The following SLIT2 variants were observed in gnomAD, a reference collection of about 807,000 sequenced individuals.
SLIT2 encodes slit guidance ligand 2.
In SLIT2, 41 loss-of-function variants were observed where a neutral mutation model predicts 185.7. The observed-to-expected ratio is 0.22, with a 90% CI of 0.17 to 0.29. The LOEUF (loss-of-function observed/expected upper bound fraction) is 0.29. Ranked by LOEUF, SLIT2 falls within the 10% of genes least tolerant of loss-of-function variation. The probability of loss-of-function intolerance (pLI) is 1.00; values close to 1 mark genes in which losing one functional copy is unlikely to be tolerated. For synonymous variants in SLIT2, 693 were observed against 680.2 expected (o/e 1.02, Z -0.29); for missense variants, 1,571 against 1,909.0 (o/e 0.82, Z 3.30).
At chr4:20,613,262 T>C (rs1412604437) in intron 34 of SLIT2, among the ~76,000 whole-genome samples, 1 of 152,146 alleles carries the variant, frequency 6.6e-6, no homozygotes, top group Non-Finnish European at 1.5e-5. Context: ...TAAATGCCCA[T>C]CAATTCTAGA....
At position 20,362,937 on chromosome 4, in the gene SLIT2, T is replaced by TTA. The variant is rs1553887030; in HGVS notation, c.395+94056_395+94057insTA. Among the ~76,000 whole-genome samples the TTA allele has an allele frequency of 7.7e-4, 117 of 151,572 alleles. 1 individual carries two copies. In the Middle Eastern group the frequency reaches 0.014, roughly 18 times the overall value. On this transcript the variant is annotated intron_variant, in intron 4 of 36. Transcript: ENST00000504154. ...CCAAGAGGAATGAAATTTTTTTTTT[T>TTA]AAAAAAGGGATTTTAATGTTTAAAA... is the stretch of plus-strand genomic sequence containing the variant.
intron 4 of SLIT2, among the ~76,000 whole-genome samples, chr4:20,434,704 G>T (rs1157595991): frequency 6.6e-6 from 1 of 152,210 alleles, no homozygotes; most frequent in African/African-American, 2.4e-5. Flanking sequence ...AACGTAGGTA[G>T]ATGTTTTAAT....
At chr4:20,291,657 T>C (rs1036638934) in intron 4 of SLIT2, among the ~76,000 whole-genome samples, 2 of 151,552 alleles carry the variant, frequency 1.3e-5, no homozygotes, top group Non-Finnish European at 2.9e-5. Flanking sequence ...CGTATATTGG[T>C]ACAATAATAC....
Position 20,421,392 on chromosome 4 carries a change from G to A in SLIT2, c.396-46360G>A, listed in dbSNP as rs556510234. Among the ~76,000 whole-genome samples, 12 of 152,260 alleles carry A rather than the reference G, an allele frequency of 7.9e-5. No individual in the cohort carries two copies. The South Asian group carries it at 2.5e-3, about 32-fold the overall frequency. Reference sequence around the variant, plus strand: ...TTTCATTTCTTGCCTGCAGTGGAGAGAGCTGATTCACGATGAGTTCCTCTG... The same window carrying A: ...TTTCATTTCTTGCCTGCAGTGGAGAAAGCTGATTCACGATGAGTTCCTCTG... On this transcript the variant is annotated intron_variant, in intron 4 of 36. Coordinates refer to ENST00000504154, the MANE Select transcript of SLIT2 (RefSeq NM_004787.4).
At chr4:20,553,740 T>A in intron 25 of SLIT2, 65 bp from the exon 26 acceptor site, 1 of 1,255,826 alleles carries the variant, frequency 8.0e-7, no homozygotes, top group Non-Finnish European at 1.0e-6. Context: ...CATACTTGTG[T>A]GTGTGTGTGT....
chr4:20,389,800 A>G (rs1455188363), intron 4 of SLIT2, among the ~76,000 whole-genome samples: 2 of 152,136 alleles, frequency 1.3e-5, no homozygotes, highest in African/African-American at 2.4e-5. Flanking sequence ...CCCAGGTACC[A>G]GTGGCAGCAA....
Position 20,617,543 on chromosome 4 carries a change from AC to A in SLIT2, c.4244del (p.Pro1415HisfsTer44). ...VLCDEEEDLFNPCQAIKCKHG... is the reference protein window; with the variant it reads ...VLCDEEEDLFXPCQAIKCKHG... Reference sequence around the variant, plus strand: ...TGTGATGAAGAGGAGGATCTGTTTAACCCATGCCAGGCGATCAAGTGCAAGC... The same window carrying A: ...TGTGATGAAGAGGAGGATCTGTTTAACCATGCCAGGCGATCAAGTGCAAGC... On this transcript the variant is annotated frameshift_variant, in exon 36 of 37. Transcript: ENST00000504154. LOFTEE classifies it high-confidence loss of function. 1 of 1,613,828 alleles carries A rather than the reference AC, an allele frequency of 6.2e-7. No homozygotes were observed. Among genetic ancestry groups the A allele is most frequent in the Non-Finnish European group, 8.5e-7 (1 of 1,179,934 alleles).
At chr4:20,284,557 T>G (rs1040001871) in intron 4 of SLIT2, among the ~76,000 whole-genome samples, 1 of 152,228 alleles carries the variant, frequency 6.6e-6, no homozygotes, top group African/African-American at 2.4e-5. Context: ...AAGCATCATC[T>G]TTTTAATATC....
Position 20,311,309 on chromosome 4 carries a change from A to G in SLIT2, c.395+42428A>G, listed in dbSNP as rs117391287. Reference sequence around the variant, plus strand: ...CTAATTTTAAAACCATGCTCTTAAAATAAGATTATCCCTCAAATATTTGTG... The same window carrying G: ...CTAATTTTAAAACCATGCTCTTAAAGTAAGATTATCCCTCAAATATTTGTG... On this transcript the variant is annotated intron_variant, in intron 4 of 36. Transcript: ENST00000504154. Among the ~76,000 whole-genome samples the G allele has an allele frequency of 5.4e-4, 82 of 152,374 alleles. 1 individual carries two copies. The East Asian group carries it at 0.014, about 27-fold the overall frequency.
intron 12 of SLIT2, among the ~76,000 whole-genome samples, chr4:20,520,720 A>G (rs924466709): frequency 6.6e-6 from 1 of 152,174 alleles, no homozygotes; most frequent in African/African-American, 2.4e-5. Flanking sequence ...AACAAATGAA[A>G]CAAAATGTTA....
chr4:20,537,745 T>C (rs1048242740), intron 18 of SLIT2, among the ~76,000 whole-genome samples: 5 of 152,108 alleles, frequency 3.3e-5, no homozygotes, highest in Admixed American at 1.3e-4. Flanking sequence ...ACATACCTAT[T>C]CTTGGTGTCT....
At chr4:20,546,193 A>G in intron 22 of SLIT2, 94 bp downstream of exon 22, 2 of 648,242 alleles carry the variant, frequency 3.1e-6, no homozygotes, top group East Asian at 5.9e-5. Context: ...TCCAGATAAT[A>G]CAAATCATTC....
rs1305301734 is a variant in SLIT2 at position 20,620,288 on chromosome 4, A to G, written c.*1279A>G. 1 of 368,662 alleles carries G rather than the reference A, an allele frequency of 2.7e-6. No homozygotes were observed. The highest frequency in any genetic ancestry group is 2.1e-5 in the African/African-American group (1 of 46,586). 22.8% of individuals were successfully genotyped at this position (368,662 alleles called of 1,614,324 possible). On this transcript the variant is annotated 3_prime_UTR_variant, in exon 37 of 37. Transcript: ENST00000504154. ...ACTGTGACTTTTCTTTCCCTCAAAC[A>G]ATAAAACTCCTTTATTATCTTAATG...
chr4:20,616,698 G>A, intron 34 of SLIT2: 1 of 459,944 alleles, frequency 2.2e-6, no homozygotes, highest in Non-Finnish European at 3.9e-6. Flanking sequence ...TATTCTAGTT[G>A]TGGATTAGAA....
chr4:20,413,369 T>G (rs1727403918), intron 4 of SLIT2, among the ~76,000 whole-genome samples: 1 of 152,092 alleles, frequency 6.6e-6, no homozygotes, highest in Non-Finnish European at 1.5e-5. Flanking sequence ...AAATTGAGAC[T>G]TGTTCCGGAG....
intron 4 of SLIT2, among the ~76,000 whole-genome samples, chr4:20,409,856 G>A (rs1462595170): frequency 1.3e-5 from 2 of 152,024 alleles, no homozygotes; most frequent in Non-Finnish European, 2.9e-5. Context: ...TTTGCTGGCC[G>A]CATGTATGTC....
chr4:20,456,658 A>G (rs1041932393), intron 4 of SLIT2, among the ~76,000 whole-genome samples: 1 of 152,124 alleles, frequency 6.6e-6, no homozygotes, highest in African/African-American at 2.4e-5. Flanking sequence ...GAGTAATGCA[A>G]TTCCTGACAC....
intron 4 of SLIT2, among the ~76,000 whole-genome samples, chr4:20,434,829 G>GT (rs1729241526): frequency 6.6e-6 from 1 of 152,140 alleles, no homozygotes; most frequent in African/African-American, 2.4e-5. Context: ...AGGAGTGATG[G>GT]TTGAAATGCA....
At chr4:20,282,161 A>C (rs1028238109) in intron 4 of SLIT2, among the ~76,000 whole-genome samples, 1 of 152,216 alleles carries the variant, frequency 6.6e-6, no homozygotes, top group African/African-American at 2.4e-5. Context: ...GACAAATGTT[A>C]TTCTTTAATC....
Sources: allele counts gnomAD v4.1 joint callset (sites outside exome capture counted in the v4.1 genomes callset), GRCh38; gene constraint gnomAD v4.1.1; transcripts MANE v1.5; gene names NCBI Gene and HGNC (gene_info 2026-07-23, HGNC 2026-07-21).